IMMP2L: variants seen among roughly 807,000 people sequenced by gnomAD.
The protein encoded by IMMP2L is inner mitochondrial membrane peptidase subunit 2.
In IMMP2L, 18 loss-of-function variants were observed where a neutral mutation model predicts 19.3. That is an observed-to-expected ratio of 0.93 (90% CI 0.64 to 1.38). The LOEUF is 1.38. Among genes scored for constraint, IMMP2L ranks in the 40% most tolerant of loss-of-function variants. The probability of loss-of-function intolerance (pLI) is 0.00; values close to 1 mark genes in which losing one functional copy is unlikely to be tolerated. For synonymous variants in IMMP2L, 76 were observed against 73.0 expected (o/e 1.04, Z -0.21); for missense variants, 233 against 218.2 (o/e 1.07, Z -0.43).
At chr7:111,327,698 T>C (rs1825465200) in intron 3 of IMMP2L, among the ~76,000 whole-genome samples, 1 of 151,686 alleles carries the variant, frequency 6.6e-6, no homozygotes, top group Non-Finnish European at 1.5e-5. Flanking sequence ...GAAAGTAATC[T>C]TATGGTATAT....
At chr7:111,422,496 G>T (rs1835665645) in intron 3 of IMMP2L, among the ~76,000 whole-genome samples, 1 of 151,786 alleles carries the variant, frequency 6.6e-6, no homozygotes, top group Non-Finnish European at 1.5e-5. Flanking sequence ...GTGAATGGGA[G>T]ATCATTCATG....
chr7:110,934,296 T>C (rs1303073009), intron 4 of IMMP2L, among the ~76,000 whole-genome samples: 2 of 152,244 alleles, frequency 1.3e-5, no homozygotes, highest in African/African-American at 2.4e-5. Context: ...GATGTGGTGC[T>C]GAGAAGAATG....
chr7:110,960,521 TTGAA>T (rs1818822691), intron 4 of IMMP2L, among the ~76,000 whole-genome samples: 1 of 151,996 alleles, frequency 6.6e-6, no homozygotes, highest in African/African-American at 2.4e-5. Flanking sequence ...CTGACATTCT[TTGAA>T]TGGGATTTGC....
chr7:111,483,369 C>T lies in IMMP2L; in HGVS notation c.239+3869G>A, dbSNP rs558419859. On this transcript the variant is annotated intron_variant, in intron 3 of 5. Coordinates refer to ENST00000405709, the MANE Select transcript of IMMP2L (RefSeq NM_032549.4). ...ACACAGGTTAACGAAAAGTCAATTCCAAGGTATAGAAAATTCACCTTACTC... is the reference window on the plus strand; with the variant it reads ...ACACAGGTTAACGAAAAGTCAATTCTAAGGTATAGAAAATTCACCTTACTC... 42 of 152,142 alleles carry T rather than the reference C, an allele frequency of 2.8e-4. 1 individual carries two copies. The highest frequency in any genetic ancestry group is 9.6e-4 in the African/African-American group (40 of 41,500). 9.4% of individuals were successfully genotyped at this position (152,142 alleles called of 1,614,324 possible). A position where few individuals can be genotyped will look rare whatever the true frequency, so the allele number is the denominator to read the frequency against.
intron 3 of IMMP2L, among the ~76,000 whole-genome samples, chr7:111,318,188 C>T (rs996303291): frequency 3.3e-5 from 5 of 152,110 alleles, no homozygotes; most frequent in South Asian, 2.1e-4. Flanking sequence ...AGGAGGGCCA[C>T]GGGGCCTTTA....
At chr7:111,223,353 C>G (rs946246312) in intron 3 of IMMP2L, among the ~76,000 whole-genome samples, 1 of 151,820 alleles carries the variant, frequency 6.6e-6, no homozygotes, top group Non-Finnish European at 1.5e-5. Flanking sequence ...TGTTATTATT[C>G]TCTATCATTT....
intron 5 of IMMP2L, among the ~76,000 whole-genome samples, chr7:110,772,904 G>T (rs1326864108): frequency 6.6e-6 from 1 of 152,022 alleles, no homozygotes; most frequent in African/African-American, 2.4e-5. Flanking sequence ...ACTGTGCAAA[G>T]GAACACTCCA....
chr7:111,084,300 T>TAAAAAAAAAAA (rs56331509), intron 3 of IMMP2L, among the ~76,000 whole-genome samples: 1 of 128,940 alleles, frequency 7.8e-6, no homozygotes, highest in Non-Finnish European at 1.6e-5. Context: ...GAAATAAAAT[T>TAAAAAAAAAAA]AAAAAAAAAA....
intron 3 of IMMP2L, among the ~76,000 whole-genome samples, chr7:111,333,453 T>C (rs904511670): frequency 3.3e-5 from 5 of 152,068 alleles, no homozygotes; most frequent in East Asian, 3.9e-4. Context: ...TATGATATTA[T>C]TGTCTTTATT....
intron 4 of IMMP2L, among the ~76,000 whole-genome samples, chr7:110,933,884 T>G (rs546070051): frequency 6.6e-6 from 1 of 152,262 alleles, no homozygotes; most frequent in South Asian, 2.1e-4. Context: ...TTTGCTAGCT[T>G]TTGAATTTGT....
chr7:110,908,601 C>T (rs1303195150), intron 4 of IMMP2L, among the ~76,000 whole-genome samples: 1 of 152,178 alleles, frequency 6.6e-6, no homozygotes, highest in African/African-American at 2.4e-5. Flanking sequence ...AGAACTGTCT[C>T]TACTGTACAA....
intron 5 of IMMP2L, among the ~76,000 whole-genome samples, chr7:110,762,787 C>T (rs1798429239): frequency 6.6e-6 from 1 of 151,970 alleles, no homozygotes; most frequent in Admixed American, 6.6e-5. Flanking sequence ...CTTTTATAAG[C>T]AATACAATTC....
intron 5 of IMMP2L, among the ~76,000 whole-genome samples, chr7:110,794,379 T>C (rs898948924): frequency 2.0e-5 from 3 of 152,080 alleles, no homozygotes; most frequent in Non-Finnish European, 2.9e-5. Context: ...TATTACTAAG[T>C]GAAGGAAGCC....
At chr7:111,117,015 T>C (rs940447969) in intron 3 of IMMP2L, among the ~76,000 whole-genome samples, 1 of 152,096 alleles carries the variant, frequency 6.6e-6, no homozygotes, top group Non-Finnish European at 1.5e-5. Context: ...AATTTAATGA[T>C]TAAAGTAACT....
At chr7:111,503,381 T>C (rs1844512757) in intron 2 of IMMP2L, among the ~76,000 whole-genome samples, 1 of 152,126 alleles carries the variant, frequency 6.6e-6, no homozygotes, top group African/African-American at 2.4e-5. Flanking sequence ...AGCCGAATTC[T>C]ACCAGAGGTA....
At chr7:111,399,704 A>G (rs922554270) in intron 3 of IMMP2L, among the ~76,000 whole-genome samples, 4 of 152,036 alleles carry the variant, frequency 2.6e-5, no homozygotes, top group Non-Finnish European at 5.9e-5. Flanking sequence ...CATACTAACA[A>G]CACCTAAGTT....
chr7:110,971,718 A>C (rs909118664), intron 3 of IMMP2L, among the ~76,000 whole-genome samples: 1 of 152,150 alleles, frequency 6.6e-6, no homozygotes, highest in African/African-American at 2.4e-5. Flanking sequence ...CAACAGCAAA[A>C]TAAAGTTATA....
At position 111,072,667 on chromosome 7, in the gene IMMP2L, A is replaced by G. The variant is rs190743910; in HGVS notation, c.240-109102T>C. Among the ~76,000 whole-genome samples the G allele has an allele frequency of 9.7e-3, 1,474 of 152,252 alleles. 24 individuals carry two copies. The highest frequency in any genetic ancestry group is 0.033 in the African/African-American group (1,365 of 41,544). ...TCCCAGCACTTTGGGAGGCCGAGGC[A>G]GGCGGATCACGAGGTCAGGAGATTG... On this transcript the variant is annotated intron_variant, in intron 3 of 5. Transcript: ENST00000405709.
At chr7:111,420,676 G>A (rs1835420684) in intron 3 of IMMP2L, among the ~76,000 whole-genome samples, 1 of 149,998 alleles carries the variant, frequency 6.7e-6, no homozygotes, top group African/African-American at 2.5e-5. Flanking sequence ...CTGTCCTTGT[G>A]ATAATTTACT....
Sources: allele counts gnomAD v4.1 joint callset (sites outside exome capture counted in the v4.1 genomes callset), GRCh38; gene constraint gnomAD v4.1.1; transcripts MANE v1.5; gene names NCBI Gene and HGNC (gene_info 2026-07-23, HGNC 2026-07-21).